Variants in TRPM3 observed in about 807,000 individuals in gnomAD.
The protein encoded by TRPM3 is long transient receptor potential channel 3.
In TRPM3, 77 loss-of-function variants were observed where a neutral mutation model predicts 181.2. The observed-to-expected ratio is 0.42, with a 90% CI of 0.35 to 0.51. TRPM3 has a LOEUF of 0.51. Ranked by LOEUF, TRPM3 falls within the 20% of genes least tolerant of loss-of-function variation. The probability of loss-of-function intolerance (pLI) is 0.01; values close to 1 mark genes in which losing one functional copy is unlikely to be tolerated. For missense variants in TRPM3, 1,759 were observed against 2,196.7 expected, an observed-to-expected ratio of 0.80 and a Z score of 3.98; for synonymous variants, 745 against 796.4, an observed-to-expected ratio of 0.94 and a Z score of 1.09.
At chr9:71,051,551 T>C (rs1407035932) in intron 1 of TRPM3, among the ~76,000 whole-genome samples, 1 of 152,074 alleles carries the variant, frequency 6.6e-6, no homozygotes, top group Non-Finnish European at 1.5e-5. Flanking sequence ...TGTTAGGGGC[T>C]CCAGGCTAGG....
chr9:71,187,901 A>T (rs1284167928), intron 1 of TRPM3, among the ~76,000 whole-genome samples: 9 of 83,622 alleles, frequency 1.1e-4, no homozygotes, highest in African/African-American at 3.5e-4. Flanking sequence ...ATAGATAGAT[A>T]GATAGATAGA....
intron 1 of TRPM3, among the ~76,000 whole-genome samples, chr9:71,017,463 C>A (rs2097793739): frequency 6.6e-6 from 1 of 151,596 alleles, no homozygotes; most frequent in African/African-American, 2.4e-5. Context: ...TGACTATATG[C>A]TGATTACAAG....
At chr9:71,121,145 A>G (rs2073570343) in intron 1 of TRPM3, 33 bp downstream of exon 1, 8 of 1,601,520 alleles carry the variant, frequency 5.0e-6, no homozygotes, top group African/African-American at 1.3e-5. Context: ...AAAAAGCACA[A>G]TTAGCGCCAT....
At chr9:71,291,775 A>C (rs954206152) in intron 1 of TRPM3, among the ~76,000 whole-genome samples, 1 of 152,124 alleles carries the variant, frequency 6.6e-6, no homozygotes, top group African/African-American at 2.4e-5. Flanking sequence ...GCAATCAAAA[A>C]GAAATTATTG....
At chr9:70,782,770 A>AATT (rs529479180) in intron 7 of TRPM3, among the ~76,000 whole-genome samples, 2,044 of 151,494 alleles carry the variant, frequency 0.013, 18 homozygotes, top group Non-Finnish European at 0.021. Context: ...AGTTTATAAA[A>AATT]ATTATTATTA....
At chr9:70,914,759 G>T (rs2096573359) in intron 1 of TRPM3, among the ~76,000 whole-genome samples, 1 of 152,214 alleles carries the variant, frequency 6.6e-6, no homozygotes, top group Non-Finnish European at 1.5e-5. Context: ...CGGAGAAAGA[G>T]ACACTGTTTG....
intron 1 of TRPM3, among the ~76,000 whole-genome samples, chr9:71,381,155 G>T (rs1029229288): frequency 1.3e-5 from 2 of 152,238 alleles, no homozygotes; most frequent in East Asian, 1.9e-4. Context: ...GCATAAAATA[G>T]TGTTACATAA....
At chr9:71,213,601 T>G (rs2079653023) in intron 1 of TRPM3, among the ~76,000 whole-genome samples, 1 of 152,250 alleles carries the variant, frequency 6.6e-6, no homozygotes, top group African/African-American at 2.4e-5. Context: ...AGCTTTGGAA[T>G]ATCATAAATA....
At position 71,003,193 on chromosome 9, in the gene TRPM3, T is replaced by TAAAA. The variant is rs34024667; in HGVS notation, c.177+117981_177+117984dup. Among the ~76,000 whole-genome samples the TAAAA allele has an allele frequency of 1.4e-3, 181 of 129,174 alleles. 2 individuals are homozygous for TAAAA. The Middle Eastern group carries it at 0.028, about 20-fold the overall frequency. The allele number at this position is 129,174 out of a possible 152,430, so 84.7% of individuals were successfully genotyped here. On this transcript the variant is annotated intron_variant, in intron 1 of 25. Coordinates refer to ENST00000677713, the MANE Select transcript of TRPM3 (RefSeq NM_001366145.2). Reference sequence around the variant, plus strand: ...CATTTTGAATCCTTTTCCCTTGCCTTAAAAAAAAAAAAAAAAAACACTTAA... The same window carrying TAAAA: ...CATTTTGAATCCTTTTCCCTTGCCTTAAAAAAAAAAAAAAAAAAAAAACACTTAA...
At chr9:71,007,943 A>T (rs1167085339) in intron 1 of TRPM3, among the ~76,000 whole-genome samples, 1 of 152,112 alleles carries the variant, frequency 6.6e-6, no homozygotes, top group East Asian at 1.9e-4. Flanking sequence ...AGAAATAAAC[A>T]AAATAGATTT....
chr9:70,769,367 C>T (rs72727773), intron 7 of TRPM3, among the ~76,000 whole-genome samples: 1 of 152,188 alleles, frequency 6.6e-6, no homozygotes, highest in Non-Finnish European at 1.5e-5. Flanking sequence ...CAAAACTCAT[C>T]ATTTAAAACT....
At chr9:70,896,703 T>C (rs1268310284) in intron 1 of TRPM3, among the ~76,000 whole-genome samples, 3 of 152,054 alleles carry the variant, frequency 2.0e-5, no homozygotes. Context: ...TTAACATTTA[T>C]TAATAAAAGC....
intron 6 of TRPM3, among the ~76,000 whole-genome samples, chr9:70,793,010 CATTT>C (rs2085905036): frequency 6.6e-6 from 1 of 152,170 alleles, no homozygotes. Context: ...GTTTGAATTT[CATTT>C]AGTTTTCATG....
intron 8 of TRPM3, among the ~76,000 whole-genome samples, chr9:70,751,674 A>G (rs2076151945): frequency 6.6e-6 from 1 of 152,188 alleles, no homozygotes; most frequent in Non-Finnish European, 1.5e-5. Context: ...GAAAAGACAG[A>G]AGTAGAACCC....
chr9:71,431,581 T>C (rs2093953933), intron 1 of TRPM3, among the ~76,000 whole-genome samples: 1 of 152,188 alleles, frequency 6.6e-6, no homozygotes, highest in South Asian at 2.1e-4. Context: ...TTGCTTACAC[T>C]CTTTTTATCA....
chr9:71,277,891 T>C (rs1489015394), intron 1 of TRPM3, among the ~76,000 whole-genome samples: 2 of 114,068 alleles, frequency 1.8e-5, no homozygotes, highest in Admixed American at 8.0e-5. Context: ...AGTCAGAGAG[T>C]AGAACTGTAA....
intron 1 of TRPM3, among the ~76,000 whole-genome samples, chr9:71,059,424 T>G (rs572751428): frequency 1.3e-5 from 2 of 152,168 alleles, no homozygotes; most frequent in Admixed American, 1.3e-4. Flanking sequence ...CTCCCTGGGT[T>G]GGACCCCGAT....
chr9:71,370,911 T>C (rs1022177353), intron 1 of TRPM3, among the ~76,000 whole-genome samples: 2 of 152,188 alleles, frequency 1.3e-5, no homozygotes, highest in Non-Finnish European at 2.9e-5. Flanking sequence ...CCAGTGCTTA[T>C]TTGCCATTCT....
intron 6 of TRPM3, among the ~76,000 whole-genome samples, chr9:70,820,800 C>T (rs2093101446): frequency 6.6e-6 from 1 of 151,988 alleles, no homozygotes; most frequent in African/African-American, 2.4e-5. Context: ...GAAATAAAGT[C>T]AAATACGGTA....
Sources: gnomAD v4.1 joint callset for allele counts (sites outside exome capture counted in the v4.1 genomes callset) on GRCh38, gnomAD v4.1.1 for gene constraint, MANE v1.5 for transcripts, NCBI Gene and HGNC (gene_info 2026-07-23, HGNC 2026-07-21) for gene names.